The following NADK2 variants were observed in gnomAD, a reference collection of about 807,000 sequenced individuals.
The protein encoded by NADK2 is NAD kinase domain-containing protein 1, mitochondrial.
NADK2 carries 35 observed loss-of-function variants against 62.1 expected under a neutral mutation model. The observed-to-expected ratio is 0.56, with a 90% CI of 0.43 to 0.75. The LOEUF is 0.75. Ranked by LOEUF, NADK2 falls within the 30% of genes least tolerant of loss-of-function variation. The pLI is 0.00. For missense variants in NADK2, 439 were observed against 561.3 expected (o/e 0.78, Z 2.20); for synonymous variants, 205 against 207.9 (o/e 0.99, Z 0.12).
At position 36,192,949 on chromosome 5, in the gene NADK2, T is replaced by C. The variant is rs1244692784; in HGVS notation, c.*2195A>G. On this transcript the variant is annotated 3_prime_UTR_variant, in exon 12 of 12. Coordinates refer to ENST00000381937, the MANE Select transcript of NADK2 (RefSeq NM_001085411.3). ...AAAGGTTAACTCATTCAAACACATT[T>C]TTGCTATGCTAACATTCCTTTGCCT... is the stretch of plus-strand genomic sequence containing the variant. 7 of 152,208 alleles carry C rather than the reference T, an allele frequency of 4.6e-5. No homozygotes were observed. Among genetic ancestry groups the C allele is most frequent in the African/African-American group, 7.2e-5 (3 of 41,456 alleles). The allele number at this position is 152,208 out of a possible 1,614,324, so 9.4% of individuals were successfully genotyped here. A position where few individuals can be genotyped will look rare whatever the true frequency, so the allele number is the denominator to read the frequency against.
intron 6 of NADK2, among the ~76,000 whole-genome samples, chr5:36,215,348 G>C (rs74916502): frequency 1.4e-4 from 21 of 152,118 alleles, no homozygotes; most frequent in East Asian, 9.6e-4. Context: ...TGGAGAACAG[G>C]TAATATTTTG....
intron 3 of NADK2, 138 bp from the exon 4 acceptor site, chr5:36,225,761 A>G: frequency 1.6e-6 from 1 of 618,990 alleles, no homozygotes; most frequent in South Asian, 2.2e-5. Context: ...CTCCCTTTCT[A>G]CCTATTATAC....
At chr5:36,206,365 T>C (rs1579604403) in intron 8 of NADK2, among the ~76,000 whole-genome samples, 1 of 147,656 alleles carries the variant, frequency 6.8e-6, no homozygotes, top group South Asian at 2.1e-4. Context: ...GCCTGAAGAA[T>C]AAAAGGTGAG....
chr5:36,195,287 G>C lies in NADK2; in HGVS notation c.1191-5C>G. 6.2e-7 allele frequency: 1 copy of C among 1,601,106 alleles called. No homozygotes were observed. On this transcript the variant is annotated splice_polypyrimidine_tract_variant and splice_region_variant and intron_variant, in intron 11 of 11. Transcript: ENST00000381937. ...CAACGAGAACGAACACAAACCCTAG[G>C]CAGAAGGAAATATCTCATTAAATAG...
chr5:36,219,570 TA>T, intron 5 of NADK2, 25 bp downstream of exon 5: 1 of 1,586,804 alleles, frequency 6.3e-7, no homozygotes, highest in Non-Finnish European at 8.6e-7. Flanking sequence ...GATACTTACA[TA>T]AGAACAACCG....
rs10551356 is a variant in NADK2 at position 36,234,372 on chromosome 5, CAAAAAAAAAAAA to C, written c.301-6819_301-6808del. 5.2e-5 allele frequency among the ~76,000 whole-genome samples: 4 copies of C among 77,232 alleles called. No homozygotes were observed. The East Asian group carries it at 8.4e-4, about 16-fold the overall frequency. The allele number at this position is 77,232 out of a possible 152,430, so 50.7% of individuals were successfully genotyped here. ...TGGGCGACAGAGCGAAACTCCGTCT[CAAAAAAAAAAAA>C]AAAAAAAAAAAATGAATTAACACGT... is the stretch of plus-strand genomic sequence containing the variant. On this transcript the variant is annotated intron_variant, in intron 1 of 11. Coordinates refer to ENST00000381937, the MANE Select transcript of NADK2 (RefSeq NM_001085411.3).
intron 7 of NADK2, among the ~76,000 whole-genome samples, chr5:36,210,935 T>C (rs1816101): frequency 0.93 from 141,397 of 152,266 alleles, 66,102 homozygotes; most frequent in Non-Finnish European, 0.98. Flanking sequence ...AGGAGCATAG[T>C]TTGAATCCAG....
intron 10 of NADK2, among the ~76,000 whole-genome samples, chr5:36,198,728 A>G (rs946377808): frequency 6.6e-6 from 1 of 151,290 alleles, no homozygotes; most frequent in African/African-American, 2.4e-5. Flanking sequence ...TATATACCTA[A>G]CTTTCCTTTG....
intron 1 of NADK2, among the ~76,000 whole-genome samples, chr5:36,235,638 T>C (rs1236059759): frequency 1.3e-5 from 2 of 152,070 alleles, no homozygotes; most frequent in Non-Finnish European, 2.9e-5. Context: ...CTACTAACAT[T>C]CCTACATTAG....
intron 11 of NADK2, among the ~76,000 whole-genome samples, chr5:36,196,670 G>A (rs1038670401): frequency 6.6e-6 from 1 of 151,944 alleles, no homozygotes; most frequent in African/African-American, 2.4e-5. Context: ...TGCTTTTTAT[G>A]ACATGTTTAA....
At chr5:36,208,661 T>A (rs2112098461) in intron 7 of NADK2, 1 of 1,533,768 alleles carries the variant, frequency 6.5e-7, no homozygotes, top group South Asian at 1.2e-5. Flanking sequence ...TCTTAAATTG[T>A]CCACTGCTAC....
chr5:36,197,450 ATTTAATGAAATTAAATAG>A (rs1746270526), intron 11 of NADK2, 73 bp downstream of exon 11: 2 of 1,544,560 alleles, frequency 1.3e-6, no homozygotes, highest in South Asian at 2.3e-5. Flanking sequence ...GAATGAGCAA[ATTTAATGAAATTAAATAG>A]TTTTCAAACC....
intron 6 of NADK2, chr5:36,212,427 C>T (rs570831325): frequency 6.6e-6 from 1 of 152,420 alleles, no homozygotes; most frequent in South Asian, 2.1e-4. Context: ...ATTTCCACAT[C>T]CCCCTTCATA....
At chr5:36,201,010 T>C in intron 9 of NADK2, 96 bp downstream of exon 9, 1 of 962,114 alleles carries the variant, frequency 1.0e-6, no homozygotes, top group East Asian at 2.4e-5. Flanking sequence ...GTATAAGGGT[T>C]TGGTAGTATC....
At chr5:36,235,028 C>G (rs1747850077) in intron 1 of NADK2, among the ~76,000 whole-genome samples, 1 of 152,076 alleles carries the variant, frequency 6.6e-6, no homozygotes, top group Non-Finnish European at 1.5e-5. Context: ...TAGCAGTTAG[C>G]AGGGGCTCAA....
intron 9 of NADK2, 49 bp downstream of exon 9, chr5:36,201,057 T>A: frequency 6.6e-7 from 1 of 1,521,980 alleles, no homozygotes; most frequent in African/African-American, 1.4e-5. Flanking sequence ...CTGGAACTTG[T>A]CCCCTGCGGA....
At chr5:36,206,751 G>A (rs901846098) in intron 8 of NADK2, among the ~76,000 whole-genome samples, 8 of 151,954 alleles carry the variant, frequency 5.3e-5, no homozygotes, top group Non-Finnish European at 8.8e-5. Context: ...AGAAGTAGAC[G>A]AGATTACCCA....
At position 36,205,178 on chromosome 5, in the gene NADK2, C is replaced by T. The variant is rs1027817631; in HGVS notation, c.956+1992G>A. 1.3e-5 allele frequency among the ~76,000 whole-genome samples: 2 copies of T among 151,844 alleles called. No individual in the cohort carries two copies. Among genetic ancestry groups the T allele is most frequent in the Non-Finnish European group, 2.9e-5 (2 of 67,944 alleles). ...TCCCAAATCCATAAAGTTGCTTTAA[C>T]TAGCTGGGTACTAGCATATTAGATA... On this transcript the variant is annotated intron_variant, in intron 8 of 11. Transcript: ENST00000381937. The surrounding 1 kb of genome is among the most constrained non-coding windows in gnomAD (Gnocchi z 4.1).
Position 36,207,273 on chromosome 5 carries a change from T to C in NADK2, c.861-8A>G. On this transcript the variant is annotated splice_polypyrimidine_tract_variant and splice_region_variant and intron_variant, in intron 7 of 11. Coordinates refer to ENST00000381937, the MANE Select transcript of NADK2 (RefSeq NM_001085411.3). ...ATCTCATAGTAGGAAGCCCTGTGAA[T>C]TGAGAATATAAAACTGTTTGCTGAG... 6.2e-7 allele frequency: 1 copy of C among 1,600,958 alleles called. No homozygotes were observed. Among genetic ancestry groups the C allele is most frequent in the Non-Finnish European group, 8.6e-7 (1 of 1,169,248 alleles).
Sources: gnomAD v4.1 joint callset for allele counts (sites outside exome capture counted in the v4.1 genomes callset) on GRCh38, gnomAD v4.1.1 for gene constraint, Gnocchi (gnomAD v3.1) non-coding constraint, MANE v1.5 for transcripts, NCBI Gene and HGNC (gene_info 2026-07-23, HGNC 2026-07-21) for gene names.